Variants in RGS20 observed in about 807,000 individuals in gnomAD.
RGS20 encodes regulator of G protein signaling 20.
Under a neutral mutation model 33.6 loss-of-function variants are expected in RGS20, and 30 were observed. That is an observed-to-expected ratio of 0.89 (90% confidence interval 0.67 to 1.21). The LOEUF is 1.21. Ranked by LOEUF, RGS20 falls within the 50% of genes most tolerant of loss-of-function variation. RGS20 has a pLI of 0.00. For synonymous variants in RGS20, 208 were observed against 197.9 expected (o/e 1.05, Z -0.43); for missense variants, 472 against 502.4 (o/e 0.94, Z 0.58).
chr8:53,923,660 A>G (rs1813711541), intron 2 of RGS20, among the ~76,000 whole-genome samples: 1 of 152,066 alleles, frequency 6.6e-6, no homozygotes, highest in African/African-American at 2.4e-5. Context: ...TTATATGATT[A>G]TATTTTGCTG....
chr8:53,931,698 A>G (rs1813967522), intron 2 of RGS20, among the ~76,000 whole-genome samples: 1 of 152,196 alleles, frequency 6.6e-6, no homozygotes, highest in Non-Finnish European at 1.5e-5. Context: ...CAACTGAGGT[A>G]TCTGGCTAAT....
intron 1 of RGS20, among the ~76,000 whole-genome samples, chr8:53,874,397 T>TGTGG (rs1812148995): frequency 7.7e-6 from 1 of 130,176 alleles, no homozygotes; most frequent in Admixed American, 7.5e-5. Flanking sequence ...TGTGTGTGTG[T>TGTGG]GTGTGCGCGC....
chr8:53,898,103 T>C (rs1301483798), intron 2 of RGS20, among the ~76,000 whole-genome samples: 1 of 152,150 alleles, frequency 6.6e-6, no homozygotes, highest in Non-Finnish European at 1.5e-5. Flanking sequence ...TCCCACCCGC[T>C]CGCCTTGCAC....
At chr8:53,853,141 G>A (rs546576638) in intron 1 of RGS20, among the ~76,000 whole-genome samples, 9 of 152,220 alleles carry the variant, frequency 5.9e-5, no homozygotes, top group Non-Finnish European at 8.8e-5. Context: ...TAATGTAGGC[G>A]ACACATGCAA....
At chr8:53,893,199 T>C (rs867359570) in intron 2 of RGS20, among the ~76,000 whole-genome samples, 5 of 152,186 alleles carry the variant, frequency 3.3e-5, no homozygotes, top group Middle Eastern at 3.2e-3. Context: ...GAGGAAAGTC[T>C]ATGTGGAGAC....
At chr8:53,881,945 G>A (rs370461123) in intron 2 of RGS20, among the ~76,000 whole-genome samples, 1 of 152,136 alleles carries the variant, frequency 6.6e-6, no homozygotes, top group African/African-American at 2.4e-5. Context: ...GCAGGCTGCA[G>A]CTGGGGACCG....
intron 4 of RGS20, among the ~76,000 whole-genome samples, chr8:53,948,395 AAGAT>A (rs1563432078): frequency 7.0e-6 from 1 of 142,532 alleles, no homozygotes; most frequent in Non-Finnish European, 1.5e-5. Flanking sequence ...TGCTATATAT[AAGAT>A]ACAGTATATA....
At position 53,907,537 on chromosome 8, in the gene RGS20, T is replaced by C. The variant is rs973660608; in HGVS notation, c.510+27935T>C. 2.6e-5 allele frequency among the ~76,000 whole-genome samples: 4 copies of C among 151,940 alleles called. 1 individual carries two copies. The highest frequency in any genetic ancestry group is 2.6e-4 in the Admixed American group (4 of 15,242). ...AGGCTGAGGTTGCAGTGAGCCAAGA[T>C]TGCCCCATTGCACTCTAGCTCTGGG... On this transcript the variant is annotated intron_variant, in intron 2 of 5. Transcript: ENST00000297313.
intron 2 of RGS20, chr8:53,879,661 C>T: frequency 7.6e-7 from 1 of 1,323,278 alleles, no homozygotes; most frequent in Non-Finnish European, 1.0e-6. Flanking sequence ...ACCAGCCTCT[C>T]CCGATTCTTC....
At chr8:53,906,336 C>G (rs1001784418) in intron 2 of RGS20, among the ~76,000 whole-genome samples, 1 of 151,814 alleles carries the variant, frequency 6.6e-6, no homozygotes, top group Non-Finnish European at 1.5e-5. Flanking sequence ...AGACAGCACC[C>G]CTGCACTCCA....
rs58889086 is a variant in RGS20, at chr8:53,912,352, A to ATT, written c.511-27208_511-27207dup. 3.4e-3 allele frequency among the ~76,000 whole-genome samples: 462 copies of ATT among 137,204 alleles called. 5 individuals are homozygous for ATT. The highest frequency in any genetic ancestry group is 0.012 in the African/African-American group (436 of 37,068). 90.0% of individuals were successfully genotyped at this position (137,204 alleles called of 152,430 possible). A position where few individuals can be genotyped will look rare whatever the true frequency, so the allele number is the denominator to read the frequency against. ...CTCACAATGGATACAGTTAATCTTG[A>ATT]TTTTTTTTTTTTTTTTTGCCAATTT... is the stretch of plus-strand genomic sequence containing the variant. On this transcript the variant is annotated intron_variant, in intron 2 of 5. Transcript: ENST00000297313.
At chr8:53,913,757 G>A (rs1370088872) in intron 2 of RGS20, 1 of 152,296 alleles carries the variant, frequency 6.6e-6, no homozygotes, top group Non-Finnish European at 1.5e-5. Context: ...CTGACGGTTT[G>A]GTTTTGAACT....
chr8:53,880,982 G>T (rs780622131), intron 2 of RGS20: 6 of 1,590,148 alleles, frequency 3.8e-6, no homozygotes, highest in Non-Finnish European at 5.1e-6. Context: ...GCAGCCCTCC[G>T]CGCTGCAATA....
chr8:53,954,344 G>A, intron 5 of RGS20, 34 bp downstream of exon 4: 1 of 1,421,588 alleles, frequency 7.0e-7, no homozygotes, highest in Non-Finnish European at 9.9e-7. Flanking sequence ...TCCCAAGGCT[G>A]TTGGTAAAAT....
chr8:53,883,974 T>G (rs1426620089), intron 2 of RGS20, among the ~76,000 whole-genome samples: 1 of 151,364 alleles, frequency 6.6e-6, no homozygotes, highest in Non-Finnish European at 1.5e-5. Context: ...ATCTACCTAA[T>G]GTGCTAGCTG....
At chr8:53,927,493 C>A (rs917253380) in intron 2 of RGS20, among the ~76,000 whole-genome samples, 2 of 152,140 alleles carry the variant, frequency 1.3e-5, no homozygotes, top group Admixed American at 1.3e-4. Context: ...GCATGAGGCA[C>A]CATGTCCAGC....
At chr8:53,921,824 TTTTCTA>T (rs1400708002) in intron 2 of RGS20, among the ~76,000 whole-genome samples, 2 of 152,158 alleles carry the variant, frequency 1.3e-5, no homozygotes, top group Admixed American at 6.5e-5. Context: ...TCTTTTGTAT[TTTTCTA>T]TTTCTATTTT....
intron 1 of RGS20, among the ~76,000 whole-genome samples, chr8:53,858,400 C>G (rs991585220): frequency 2.0e-5 from 3 of 151,612 alleles, no homozygotes; most frequent in African/African-American, 7.3e-5. Flanking sequence ...CAGTAAGGCC[C>G]GCAGGAGAGG....
intron 2 of RGS20, chr8:53,880,972 G>C (rs1284205049): frequency 6.3e-7 from 1 of 1,585,196 alleles, no homozygotes; most frequent in Non-Finnish European, 8.5e-7. Context: ...CGTAGAGAGG[G>C]CAGCCCTCCG....
Sources: allele counts gnomAD v4.1 joint callset (sites outside exome capture counted in the v4.1 genomes callset), GRCh38; gene constraint gnomAD v4.1.1; transcripts MANE v1.5; gene names NCBI Gene and HGNC (gene_info 2026-07-23, HGNC 2026-07-21).